BCL9: variants seen among roughly 807,000 people sequenced by gnomAD.
The protein encoded by BCL9 is B-cell CLL/lymphoma 9 protein.
BCL9 carries 25 observed loss-of-function variants against 88.5 expected under a neutral mutation model. That is an observed-to-expected ratio of 0.28 (90% CI 0.21 to 0.39). The LOEUF (loss-of-function observed/expected upper bound fraction) is 0.39, where lower values mean the gene tolerates loss of function less well. Ranked by LOEUF, BCL9 falls within the 10% of genes least tolerant of loss-of-function variation. The pLI is 1.00. For synonymous variants in BCL9, 711 were observed against 673.3 expected, an observed-to-expected ratio of 1.06 and a Z score of -0.87; for missense variants, 1,817 against 1,877.8, an observed-to-expected ratio of 0.97 and a Z score of 0.60.
intron 1 of BCL9, among the ~76,000 whole-genome samples, chr1:147,548,457 A>C (rs950586595): frequency 6.6e-6 from 1 of 152,100 alleles, no homozygotes. Flanking sequence ...TATCCTGGGC[A>C]TTTCTTCTGG....
intron 9 of BCL9, among the ~76,000 whole-genome samples, chr1:147,622,800 G>A (rs1338818819): frequency 6.6e-6 from 1 of 152,080 alleles, no homozygotes; most frequent in African/African-American, 2.4e-5. Context: ...AGGGTTTGTT[G>A]TTTTTGTTTT....
At chr1:147,599,706 G>A (rs1322601902) in intron 1 of BCL9, among the ~76,000 whole-genome samples, 1 of 152,094 alleles carries the variant, frequency 6.6e-6, no homozygotes, top group Non-Finnish European at 1.5e-5. Context: ...TCCGGGGCGG[G>A]CCCTGGCGGG....
intron 1 of BCL9, among the ~76,000 whole-genome samples, chr1:147,557,029 A>G (rs782719831): frequency 2.4e-4 from 37 of 152,232 alleles, no homozygotes; most frequent in Admixed American, 4.6e-4. Context: ...ACCAAGCAGC[A>G]ATCTACTGTC....
intron 1 of BCL9, among the ~76,000 whole-genome samples, chr1:147,546,232 G>A (rs1245210949): frequency 5.9e-5 from 9 of 151,938 alleles, no homozygotes; most frequent in Non-Finnish European, 1.2e-4. Flanking sequence ...CAGCTACTCC[G>A]GAGGCTGAGG....
At chr1:147,571,607 C>T (rs782233362) in intron 1 of BCL9, among the ~76,000 whole-genome samples, 21 of 152,062 alleles carry the variant, frequency 1.4e-4, no homozygotes, top group Non-Finnish European at 2.8e-4. Context: ...GAAAAAGCAC[C>T]CTTTTCCCTG....
intron 7 of BCL9, 22 bp from the exon 8 acceptor site, chr1:147,618,794 T>C: frequency 6.6e-7 from 1 of 1,508,318 alleles, no homozygotes. Flanking sequence ...TAATGATTTT[T>C]AAACTATTTG....
At chr1:147,544,994 T>C (rs587641010) in intron 1 of BCL9, among the ~76,000 whole-genome samples, 131 of 152,292 alleles carry the variant, frequency 8.6e-4, no homozygotes, top group African/African-American at 2.8e-3. Context: ...TGGAGTGTTG[T>C]CTTCAGTGTT....
At chr1:147,566,255 G>A (rs1035736324) in intron 1 of BCL9, among the ~76,000 whole-genome samples, 6 of 152,286 alleles carry the variant, frequency 3.9e-5, no homozygotes, top group African/African-American at 1.4e-4. Flanking sequence ...TGTAGCTGTA[G>A]GGTCCATTCT....
chr1:147,617,755 A>C (rs1171469006), intron 7 of BCL9, among the ~76,000 whole-genome samples: 1 of 152,212 alleles, frequency 6.6e-6, no homozygotes, highest in Non-Finnish European at 1.5e-5. Context: ...TTGGAAATAC[A>C]GACTGGATTA....
At chr1:147,579,258 G>C (rs11240083) in intron 1 of BCL9, among the ~76,000 whole-genome samples, 1 of 152,224 alleles carries the variant, frequency 6.6e-6, no homozygotes, top group South Asian at 2.1e-4. Flanking sequence ...TTATCCAAAA[G>C]ATGGAAGGAG....
intron 1 of BCL9, among the ~76,000 whole-genome samples, chr1:147,595,163 T>C (rs1553200333): frequency 6.6e-6 from 1 of 152,254 alleles, no homozygotes; most frequent in Non-Finnish European, 1.5e-5. Flanking sequence ...TTAATTTTGG[T>C]TGGGATCCAT....
intron 1 of BCL9, among the ~76,000 whole-genome samples, chr1:147,591,470 C>T (rs1463998167): frequency 1.3e-5 from 2 of 152,174 alleles, no homozygotes; most frequent in Non-Finnish European, 2.9e-5. Flanking sequence ...GTATCTGGCT[C>T]CTCAACTGCA....
chr1:147,603,424 G>T (rs1483476153), intron 1 of BCL9, among the ~76,000 whole-genome samples: 1 of 152,196 alleles, frequency 6.6e-6, no homozygotes, highest in Non-Finnish European at 1.5e-5. Flanking sequence ...ATTTTCTTCA[G>T]CTATGAAATA....
chr1:147,580,687 C>T (rs1461461686), intron 1 of BCL9, among the ~76,000 whole-genome samples: 1 of 152,092 alleles, frequency 6.6e-6, no homozygotes, highest in Non-Finnish European at 1.5e-5. Context: ...AAGGAAAAGC[C>T]CCTTTCCCAA....
chr1:147,591,314 A>G (rs1656835923), intron 1 of BCL9, among the ~76,000 whole-genome samples: 1 of 152,146 alleles, frequency 6.6e-6, no homozygotes, highest in Non-Finnish European at 1.5e-5. Flanking sequence ...ATCTATCTGT[A>G]TTCCCCACTG....
chr1:147,589,652 T>C (rs1480090297), intron 1 of BCL9, among the ~76,000 whole-genome samples: 1 of 152,240 alleles, frequency 6.6e-6, no homozygotes, highest in African/African-American at 2.4e-5. Flanking sequence ...ATCCATGTTG[T>C]AGTGTGTGTT....
chr1:147,562,176 A>G lies in BCL9; in HGVS notation c.-478+20502A>G, dbSNP rs113275241. On this transcript the variant is annotated intron_variant, in intron 1 of 9. Transcript: ENST00000234739. ...AAACCCTGTCTCTACTAAAAATACA[A>G]CATTAGCCAGGAGTGGTGGCGCATG... 3.1e-3 allele frequency among the ~76,000 whole-genome samples: 474 copies of G among 152,194 alleles called. 6 individuals are homozygous for G. Among genetic ancestry groups the G allele is most frequent in the African/African-American group, 0.011 (462 of 41,538 alleles).
In BCL9 at chr1:147,624,275, G is replaced by A. The variant is rs141547493; in HGVS notation, c.3597G>A (p.Gly1199=). 1 of 1,614,096 alleles carries A rather than the reference G, an allele frequency of 6.2e-7. No homozygotes were observed. The highest frequency in any genetic ancestry group is 1.1e-5 in the South Asian group (1 of 91,092). The part of the protein sequence containing the change: ...DAALCKPGGP[G]GPDSFTVLGN... Reference sequence around the variant, plus strand: ...CACTTTGCAAGCCTGGAGGCCCCGGGGGTCCTGACTCCTTCACTGTCCTGG... The same window carrying A: ...CACTTTGCAAGCCTGGAGGCCCCGGAGGTCCTGACTCCTTCACTGTCCTGG... The change falls in exon 10 of 10, where the codon GGG becomes GGA. Residue 1199 remains glycine (G), a synonymous_variant. Transcript: ENST00000234739. The surrounding 1 kb of genome is among the most constrained non-coding windows in gnomAD (Gnocchi z 4.4).
chr1:147,616,449 G>C (rs1658290388), intron 7 of BCL9, among the ~76,000 whole-genome samples: 1 of 152,164 alleles, frequency 6.6e-6, no homozygotes. Flanking sequence ...TGGATCTTAA[G>C]CACCTGCTAT....
Sources: gnomAD v4.1 joint callset for allele counts (sites outside exome capture counted in the v4.1 genomes callset) on GRCh38, gnomAD v4.1.1 for gene constraint, Gnocchi (gnomAD v3.1) non-coding constraint, MANE v1.5 for transcripts, NCBI Gene and HGNC (gene_info 2026-07-23, HGNC 2026-07-21) for gene names.